The following LDLRAD4 variants were observed in gnomAD, a reference collection of about 807,000 sequenced individuals.
LDLRAD4 encodes low-density lipoprotein receptor class A domain-containing protein 4.
Under a neutral mutation model 17.0 loss-of-function variants are expected in LDLRAD4, and 5 were observed. The ratio of observed to expected loss-of-function variants is 0.29; its 90% CI spans 0.15 to 0.62. The LOEUF (loss-of-function observed/expected upper bound fraction) is 0.62, where lower values mean the gene tolerates loss of function less well. LDLRAD4 is among the 20% of genes least tolerant of loss of function. The pLI, the probability that LDLRAD4 is intolerant of heterozygous loss-of-function variation, is 0.84. For synonymous variants in LDLRAD4, 168 were observed against 171.8 expected, an observed-to-expected ratio of 0.98 and a Z score of 0.17; for missense variants, 340 against 424.7, an observed-to-expected ratio of 0.80 and a Z score of 1.75.
At chr18:13,531,150 C>G (rs1459893590) in intron 3 of LDLRAD4, among the ~76,000 whole-genome samples, 2 of 152,186 alleles carry the variant, frequency 1.3e-5, no homozygotes, top group Non-Finnish European at 2.9e-5. Flanking sequence ...GTCCTGGAGG[C>G]AGCCAAGGGT....
At position 13,234,676 on chromosome 18, in the gene LDLRAD4, G is replaced by T. The variant is rs145980688; in HGVS notation, c.-467+15688G>T. ...GTGCAAACAGAAAGTCCTGCAGAAA[G>T]GCTGAAGTATGAGCAGCAGTGAGAG... On this transcript the variant is annotated intron_variant, in intron 1 of 5. Transcript: ENST00000399848. 1.6e-3 allele frequency among the ~76,000 whole-genome samples: 238 copies of T among 152,326 alleles called. 1 individual carries two copies. The highest frequency in any genetic ancestry group is 5.5e-3 in the African/African-American group (227 of 41,582).
At chr18:13,324,714 A>G (rs2081428460) in intron 1 of LDLRAD4, among the ~76,000 whole-genome samples, 4 of 152,136 alleles carry the variant, frequency 2.6e-5, no homozygotes. Context: ...GGTCTCAATC[A>G]ATTTAGAGGC....
chr18:13,593,417 G>A (rs1011576015), intron 3 of LDLRAD4, among the ~76,000 whole-genome samples: 1 of 150,708 alleles, frequency 6.6e-6, no homozygotes, highest in Admixed American at 6.6e-5. Context: ...TCCTTTCCTC[G>A]CGATGCTTTC....
intron 2 of LDLRAD4, among the ~76,000 whole-genome samples, chr18:13,410,541 A>G (rs2088239043): frequency 6.6e-6 from 1 of 152,178 alleles, no homozygotes; most frequent in Non-Finnish European, 1.5e-5. Context: ...ATTGACATTC[A>G]GTTTTGCTAT....
chr18:13,392,959 C>T (rs1280572658), intron 2 of LDLRAD4, among the ~76,000 whole-genome samples: 1 of 152,122 alleles, frequency 6.6e-6, no homozygotes, highest in Non-Finnish European at 1.5e-5. Context: ...TTTTCTTAGC[C>T]ACTAATGAGA....
intron 3 of LDLRAD4, among the ~76,000 whole-genome samples, chr18:13,564,768 A>G (rs1485402628): frequency 6.6e-6 from 1 of 152,042 alleles, no homozygotes; most frequent in Non-Finnish European, 1.5e-5. Flanking sequence ...GCAGTGCTCC[A>G]GCCCTCCCGT....
chr18:13,599,586 G>A (rs2095136538), intron 3 of LDLRAD4, among the ~76,000 whole-genome samples: 1 of 149,996 alleles, frequency 6.7e-6, no homozygotes, highest in Admixed American at 6.7e-5. Flanking sequence ...CACCTCCTGG[G>A]TTCACGCCAT....
At chr18:13,295,726 G>A (rs1327516187) in intron 1 of LDLRAD4, among the ~76,000 whole-genome samples, 1 of 152,234 alleles carries the variant, frequency 6.6e-6, no homozygotes, top group Non-Finnish European at 1.5e-5. Flanking sequence ...GCAAGAAATA[G>A]CATAGCTGCT....
intron 1 of LDLRAD4, among the ~76,000 whole-genome samples, chr18:13,382,301 A>G (rs939716908): frequency 6.6e-6 from 1 of 152,214 alleles, no homozygotes; most frequent in Admixed American, 6.5e-5. Context: ...AATGAAAGAT[A>G]TAATACGGAC....
intron 1 of LDLRAD4, among the ~76,000 whole-genome samples, chr18:13,321,224 A>C (rs2081201026): frequency 6.6e-6 from 1 of 151,924 alleles, no homozygotes; most frequent in South Asian, 2.1e-4. Context: ...CCGTCTGCAC[A>C]CTCAGCCCTG....
intron 1 of LDLRAD4, among the ~76,000 whole-genome samples, chr18:13,341,480 CTGACA>C (rs1371486466): frequency 1.9e-4 from 29 of 151,966 alleles, no homozygotes; most frequent in Admixed American, 4.6e-4. Flanking sequence ...TTTATTATTT[CTGACA>C]CTATTATAAA....
At chr18:13,419,652 G>A (rs1183202179) in intron 2 of LDLRAD4, 1 of 152,172 alleles carries the variant, frequency 6.6e-6, no homozygotes, top group Non-Finnish European at 1.5e-5. Context: ...GTAATAAGTA[G>A]TTGCACCAGG....
chr18:13,360,454 T>C (rs2083596502), intron 1 of LDLRAD4, among the ~76,000 whole-genome samples: 1 of 151,614 alleles, frequency 6.6e-6, no homozygotes, highest in African/African-American at 2.4e-5. Flanking sequence ...TAGTTTTCAC[T>C]CTCAGTGCTG....
chr18:13,575,849 T>G (rs2094761800), intron 3 of LDLRAD4, among the ~76,000 whole-genome samples: 1 of 152,250 alleles, frequency 6.6e-6, no homozygotes, highest in African/African-American at 2.4e-5. Flanking sequence ...TTTCCTATAT[T>G]TGTTGGCCAT....
At chr18:13,404,214 G>A (rs994987867) in intron 2 of LDLRAD4, among the ~76,000 whole-genome samples, 8 of 152,336 alleles carry the variant, frequency 5.3e-5, no homozygotes, top group East Asian at 3.9e-4. Flanking sequence ...GAGGTGTGTC[G>A]GGGGTGCCGT....
rs116803624 is a variant in LDLRAD4, at chr18:13,620,887, G to A, written c.182-230G>A. On this transcript the variant is annotated intron_variant, in intron 3 of 5. Transcript: ENST00000359446. ...GACGTTCTCAGCTCCCTGTGGTGGG[G>A]GATGGCAGAGGCTTCCCGCTCCCCG... 2.4e-3 allele frequency: 1,433 copies of A among 591,308 alleles called. 21 individuals are homozygous for A. The highest frequency in any genetic ancestry group is 0.024 in the African/African-American group (1,297 of 54,364). The allele number at this position is 591,308 out of a possible 1,614,324, so 36.6% of individuals were successfully genotyped here. A position where few individuals can be genotyped will look rare whatever the true frequency, so the allele number is the denominator to read the frequency against.
chr18:13,428,958 G>A (rs1393705707), intron 2 of LDLRAD4, among the ~76,000 whole-genome samples: 1 of 152,170 alleles, frequency 6.6e-6, no homozygotes, highest in African/African-American at 2.4e-5. Flanking sequence ...AAAGGTCAGG[G>A]ATAAATGTGG....
At chr18:13,357,160 AAAC>A (rs1487996898) in intron 1 of LDLRAD4, among the ~76,000 whole-genome samples, 7 of 152,264 alleles carry the variant, frequency 4.6e-5, no homozygotes, top group African/African-American at 1.2e-4. Context: ...AAAAAAACAA[AAAC>A]AACAACAACA....
chr18:13,382,359 A>T (rs922808367), intron 1 of LDLRAD4, among the ~76,000 whole-genome samples: 5 of 152,182 alleles, frequency 3.3e-5, no homozygotes, highest in African/African-American at 1.2e-4. Context: ...ACTGCGTTTC[A>T]TATAAGTTTT....
Sources: allele counts gnomAD v4.1 joint callset (sites outside exome capture counted in the v4.1 genomes callset), GRCh38; gene constraint gnomAD v4.1.1; transcripts MANE v1.5; gene names NCBI Gene and HGNC (gene_info 2026-07-23, HGNC 2026-07-21).